FOXK2: variants seen among roughly 807,000 people sequenced by gnomAD.
FOXK2 encodes forkhead box K2.
In FOXK2, 24 loss-of-function variants were observed where a neutral mutation model predicts 53.3. That is an observed-to-expected ratio of 0.45 (90% CI 0.33 to 0.63). FOXK2 has a LOEUF of 0.63. FOXK2 is among the 30% of genes least tolerant of loss of function. FOXK2 has a pLI of 0.03. For synonymous variants in FOXK2, 505 were observed against 407.1 expected (o/e 1.24, Z -2.89); for missense variants, 952 against 910.5 (o/e 1.05, Z -0.59).
In FOXK2 at chr17:82,586,206, C is replaced by CGGGGGG. The variant is rs1555642282; in HGVS notation, c.1576+8_1576+9insGGGGGG. ...AGACCACAGGGAAGTCAAAGGTAGGCGGAGGGGAAAGGAGGAGAGGGGAGA... is the reference window on the plus strand; with the variant it reads ...AGACCACAGGGAAGTCAAAGGTAGGCGGGGGGGGAGGGGAAAGGAGGAGAGGGGAGA... On this transcript the variant is annotated splice_region_variant and intron_variant, in intron 7 of 8. Transcript: ENST00000335255. 4 of 1,493,562 alleles carry CGGGGGG rather than the reference C, an allele frequency of 2.7e-6. No individual in the cohort carries two copies. In the African/African-American group the frequency reaches 7.0e-5, roughly 26 times the overall value. The allele number at this position is 1,493,562 out of a possible 1,614,324, so 92.5% of individuals were successfully genotyped here.
At chr17:82,567,737 G>A (rs1449362701) in intron 2 of FOXK2, among the ~76,000 whole-genome samples, 1 of 151,968 alleles carries the variant, frequency 6.6e-6, no homozygotes, top group African/African-American at 2.4e-5. Context: ...GGAACCATTC[G>A]GAGCCTCAGT....
At chr17:82,534,941 A>ACCATC (rs1428000243) in intron 1 of FOXK2, among the ~76,000 whole-genome samples, 3 of 152,180 alleles carry the variant, frequency 2.0e-5, no homozygotes, top group Non-Finnish European at 4.4e-5. Flanking sequence ...GTGCAGTGGC[A>ACCATC]CCATCTTGGC....
chr17:82,587,044 T>G lies in FOXK2; in HGVS notation c.1577-19T>G, dbSNP rs1443349052. ...GCTTTCCAGTAATATTAATGTCGTT[T>G]CTTTTCCTTTAATTTCAGTGAAAGT... On this transcript the variant is annotated intron_variant, in intron 7 of 8. Transcript: ENST00000335255. 3.1e-6 allele frequency: 5 copies of G among 1,610,046 alleles called. No homozygotes were observed. Among genetic ancestry groups the G allele is most frequent in the Non-Finnish European group, 4.2e-6 (5 of 1,177,770 alleles).
At chr17:82,570,091 A>G (rs111720645) in intron 3 of FOXK2, among the ~76,000 whole-genome samples, 24,267 of 151,656 alleles carry the variant, frequency 0.16, 2,156 homozygotes, top group East Asian at 0.28. Flanking sequence ...GCGTGTTGGC[A>G]GGCGCCTGTA....
intron 1 of FOXK2, among the ~76,000 whole-genome samples, chr17:82,527,125 T>G (rs2044426437): frequency 6.6e-6 from 1 of 152,056 alleles, no homozygotes; most frequent in Non-Finnish European, 1.5e-5. Context: ...TTGGCATAAA[T>G]AAAGGGATGT....
intron 1 of FOXK2, 57 bp from the exon 2 acceptor site, chr17:82,563,297 C>G: frequency 6.5e-7 from 1 of 1,547,076 alleles, no homozygotes; most frequent in Non-Finnish European, 8.8e-7. Flanking sequence ...TGTGGGGACT[C>G]TGCCCTGCCC....
At chr17:82,596,026 G>C in intron 8 of FOXK2, 1 of 1,145,052 alleles carries the variant, frequency 8.7e-7, no homozygotes, top group Non-Finnish European at 1.1e-6. Context: ...CACACTGCGC[G>C]TCTGTGCATC....
intron 1 of FOXK2, 46 bp from the exon 2 acceptor site, chr17:82,563,308 C>T (rs369818272): frequency 2.2e-5 from 35 of 1,574,230 alleles, no homozygotes; most frequent in African/African-American, 1.5e-4. Flanking sequence ...TGCCCTGCCC[C>T]GGCTGGAACA....
chr17:82,580,498 G>C (rs1377818018), intron 4 of FOXK2, among the ~76,000 whole-genome samples: 6 of 31,470 alleles, frequency 1.9e-4, no homozygotes, highest in Admixed American at 2.7e-4. Flanking sequence ...ACATGGCCCA[G>C]CCCTCCTCTC....
Position 82,587,013 on chromosome 17 carries a change from T to G in FOXK2, c.1577-50T>G, listed in dbSNP as rs746794962. Reference sequence around the variant, plus strand: ...ATTATGTTTTAAACTGGCAAGATTTTTATTTGCTTTCCAGTAATATTAATG... The same window carrying G: ...ATTATGTTTTAAACTGGCAAGATTTGTATTTGCTTTCCAGTAATATTAATG... On this transcript the variant is annotated intron_variant, in intron 7 of 8. Transcript: ENST00000335255. 18 of 1,572,734 alleles carry G rather than the reference T, an allele frequency of 1.1e-5. No homozygotes were observed. The South Asian group carries it at 1.8e-4, about 15-fold the overall frequency.
At chr17:82,526,241 G>C (rs982173155) in intron 1 of FOXK2, among the ~76,000 whole-genome samples, 14 of 152,274 alleles carry the variant, frequency 9.2e-5, no homozygotes, top group Middle Eastern at 6.8e-3. Flanking sequence ...GGGCAGAACT[G>C]AGCTTCCCGG....
chr17:82,587,112 C>A lies in FOXK2; in HGVS notation c.1626C>A (p.Ala542=), dbSNP rs137949572. Residue 542 remains alanine (A), a synonymous_variant, in exon 8 of 9, where the codon GCC becomes GCA. Coordinates refer to ENST00000335255, the MANE Select transcript of FOXK2 (RefSeq NM_004514.4). ...PAIGHATLGT[A]SRIIQTAQTT... Reference sequence around the variant, plus strand: ...TTGGCCACGCCACGCTCGGCACTGCCAGCCGGATCATTCAGACGGCACAGA... The same window carrying A: ...TTGGCCACGCCACGCTCGGCACTGCAAGCCGGATCATTCAGACGGCACAGA... The A allele has an allele frequency of 3.2e-4, 521 of 1,613,066 alleles. 3 individuals are homozygous for A. The highest frequency in any genetic ancestry group is 1.6e-3 in the Middle Eastern group (10 of 6,062).
At chr17:82,588,437 AGGCGGTTGGAGGGCT>A (rs56187474) in intron 8 of FOXK2, 34,366 of 159,166 alleles carry the variant, frequency 0.22, 3,850 homozygotes, top group African/African-American at 0.24. Flanking sequence ...ATTGGAGGGC[AGGCGGTTGGAGGGCT>A]GGCGGTTGGA....
chr17:82,521,801 G>A lies in FOXK2; in HGVS notation c.419+1494G>A, dbSNP rs1599873750. Among the ~76,000 whole-genome samples the A allele has an allele frequency of 2.0e-5, 3 of 150,614 alleles. No homozygotes were observed. The South Asian group carries it at 6.3e-4, about 32-fold the overall frequency. ...AAAAAAAAAAAAAAATTAGCCGGGCGCGGTGGCGGGCGCCTGTAGTCCCAG... is the reference window on the plus strand; with the variant it reads ...AAAAAAAAAAAAAAATTAGCCGGGCACGGTGGCGGGCGCCTGTAGTCCCAG... On this transcript the variant is annotated intron_variant, in intron 1 of 8. Coordinates refer to ENST00000335255, the MANE Select transcript of FOXK2 (RefSeq NM_004514.4).
Position 82,584,150 on chromosome 17 carries a change from C to G in FOXK2, c.1241C>G (p.Ala414Gly). The G allele has an allele frequency of 6.2e-7, 1 of 1,609,400 alleles. No homozygotes were observed. The highest frequency in any genetic ancestry group is 8.5e-7 in the Non-Finnish European group (1 of 1,179,064). ...CCTGGCGCTGCACAGCCCAAACTCG[C>G]TGTCATCCAGGAAGCCCGGTTTGCC... ...PEPGAAQPKL[A>G]VIQEARFAQS... Residue 414 changes from alanine (A) to glycine (G), a missense_variant, in exon 6 of 9, where the codon GCT becomes GGT. Physicochemically the swap from Ala to Gly is moderately conservative, Grantham distance 60 (BLOSUM62 0). Transcript: ENST00000335255.
intron 1 of FOXK2, among the ~76,000 whole-genome samples, chr17:82,536,145 T>C (rs1375723064): frequency 6.6e-6 from 1 of 152,202 alleles, no homozygotes; most frequent in East Asian, 1.9e-4. Context: ...CCCCAAGTGC[T>C]GGGATTACAG....
intron 4 of FOXK2, among the ~76,000 whole-genome samples, chr17:82,572,477 C>T (rs1028830727): frequency 7.0e-6 from 1 of 143,756 alleles, no homozygotes; most frequent in African/African-American, 2.5e-5. Flanking sequence ...TTGGTCAGCT[C>T]ACACACCAAT....
Position 82,533,563 on chromosome 17 carries a change from T to A in FOXK2, c.419+13256T>A, listed in dbSNP as rs183889532. ...TATTATTATTAAGTATTACATATTG[T>A]ACGCGATCGTATGTGCTGTACTTTC... On this transcript the variant is annotated intron_variant, in intron 1 of 8. Coordinates refer to ENST00000335255, the MANE Select transcript of FOXK2 (RefSeq NM_004514.4). Among the ~76,000 whole-genome samples, 448 of 152,326 alleles carry A rather than the reference T, an allele frequency of 2.9e-3. 1 individual carries two copies. Among genetic ancestry groups the A allele is most frequent in the African/African-American group, 0.01 (422 of 41,582 alleles).
Position 82,604,087 on chromosome 17 carries a change from C to G in FOXK2, c.*2588C>G, listed in dbSNP as rs2045419384. 6.6e-6 allele frequency: 1 copy of G among 152,244 alleles called. No homozygotes were observed. Among genetic ancestry groups the G allele is most frequent in the Non-Finnish European group, 1.5e-5 (1 of 68,066 alleles). 9.4% of individuals were successfully genotyped at this position (152,244 alleles called of 1,614,324 possible). A position where few individuals can be genotyped will look rare whatever the true frequency, so the allele number is the denominator to read the frequency against. ...GGGAGAGGTCCTGCGTCGTCCTCAG[C>G]TGCGTCGCTGTGAACTCCCGCTCTC... On this transcript the variant is annotated 3_prime_UTR_variant, in exon 9 of 9. Coordinates refer to ENST00000335255, the MANE Select transcript of FOXK2 (RefSeq NM_004514.4).
Sources: allele counts gnomAD v4.1 joint callset (sites outside exome capture counted in the v4.1 genomes callset), GRCh38; gene constraint gnomAD v4.1.1; transcripts MANE v1.5; gene names NCBI Gene and HGNC (gene_info 2026-07-23, HGNC 2026-07-21).